The following ZER1 variants were observed in gnomAD, a reference collection of about 807,000 sequenced individuals.
The protein encoded by ZER1 is protein zer-1 homolog.
Under a neutral mutation model 78.8 loss-of-function variants are expected in ZER1, and 11 were observed. That is an observed-to-expected ratio of 0.14 (90% confidence interval 0.09 to 0.23). The LOEUF (loss-of-function observed/expected upper bound fraction) is 0.23. Among genes scored for constraint, ZER1 ranks in the 10% least tolerant of loss-of-function variants. The pLI is 1.00. For synonymous variants in ZER1, 400 were observed against 407.0 expected, an observed-to-expected ratio of 0.98 and a Z score of 0.21; for missense variants, 588 against 996.9, an observed-to-expected ratio of 0.59 and a Z score of 5.52.
chr9:128,749,366 G>A (rs1003166885), intron 8 of ZER1, among the ~76,000 whole-genome samples: 6 of 152,068 alleles, frequency 3.9e-5, no homozygotes, highest in African/African-American at 1.2e-4. Context: ...TGATCCTTTC[G>A]TAGTTTATAA....
chr9:128,754,027 CCCT>C lies in ZER1; in HGVS notation c.159-71_159-69del. ...CTCTCATCCTCGCTTCAAAGCCAAG[CCCT>C]CCTCCCCCTGAAGCTTTCTTGGATC... On this transcript the variant is annotated intron_variant, in intron 2 of 15. Transcript: ENST00000291900. This position sits in a 1 kb window ranked among gnomAD's most constrained non-coding sequence, Gnocchi z 4.3. 3.3e-6 allele frequency: 5 copies of C among 1,521,220 alleles called. No homozygotes were observed. Among genetic ancestry groups the C allele is most frequent in the Non-Finnish European group, 4.4e-6 (5 of 1,128,606 alleles). The allele number at this position is 1,521,220 out of a possible 1,614,324, so 94.2% of individuals were successfully genotyped here.
Position 128,755,492 on chromosome 9 carries a change from A to C in ZER1, c.74T>G (p.Leu25Arg). The C allele has an allele frequency of 6.2e-7, 1 of 1,614,010 alleles. No individual in the cohort carries two copies. Among genetic ancestry groups the C allele is most frequent in the South Asian group, 1.1e-5 (1 of 91,068 alleles). ...DFCLRNLDGT[L>R]GYLLDKETLR... is the part of the protein sequence containing the mutation. ...GGTCTCCTTGTCCAGCAGGTAGCCC[A>C]GGGTGCCATCCAGGTTGCGCAAGCA... The change falls in exon 2 of 16, where the codon CTG (leucine) becomes CGG (arginine). Residue 25 changes from leucine (L) to arginine (R), a missense_variant. Transcript: ENST00000291900. The surrounding 1 kb of genome is among the most constrained non-coding windows in gnomAD (Gnocchi z 5.6).
chr9:128,741,488 C>A, intron 11 of ZER1, 47 bp downstream of exon 11: 1 of 1,613,492 alleles, frequency 6.2e-7, no homozygotes, highest in Middle Eastern at 1.7e-4. Flanking sequence ...AGAAGAGGGG[C>A]CATGTGGGCA....
In ZER1 at chr9:128,730,310, G is replaced by GAGTGCT. The variant is rs1351261386; in HGVS notation, c.*1021_*1026dup. 6.5e-6 allele frequency: 1 copy of GAGTGCT among 153,150 alleles called. No homozygotes were observed. The highest frequency in any genetic ancestry group is 1.5e-5 in the Non-Finnish European group (1 of 68,438). 9.5% of individuals were successfully genotyped at this position (153,150 alleles called of 1,614,324 possible). ...CCAAGCGGCCACTGCAGGGCAGTCC[G>GAGTGCT]AGTGCTGGTCTGGAGGCGGCTGTGT... On this transcript the variant is annotated 3_prime_UTR_variant, in exon 16 of 16. Transcript: ENST00000291900.
chr9:128,755,044 A>G lies in ZER1; in HGVS notation c.158+364T>C, dbSNP rs920306410. On this transcript the variant is annotated intron_variant, in intron 2 of 15. Transcript: ENST00000291900. The surrounding 1 kb of genome is among the most constrained non-coding windows in gnomAD (Gnocchi z 5.6). ...GGTATGTGCATGTGAATGTACATAC[A>G]CGTGTGGGGCAACACTTAATTCCTT... Among the ~76,000 whole-genome samples, 3 of 152,228 alleles carry G rather than the reference A, an allele frequency of 2.0e-5. No homozygotes were observed. Among genetic ancestry groups the G allele is most frequent in the Non-Finnish European group, 4.4e-5 (3 of 68,036 alleles).
At chr9:128,739,880 G>A (rs1564394116) in intron 13 of ZER1, 51 bp downstream of exon 13, 1 of 1,571,158 alleles carries the variant, frequency 6.4e-7, no homozygotes, top group Non-Finnish European at 8.7e-7. Context: ...ATCCTGCCCA[G>A]CACTTACCCC....
intron 1 of ZER1, among the ~76,000 whole-genome samples, chr9:128,766,302 T>C (rs565948745): frequency 5.0e-4 from 75 of 149,574 alleles, no homozygotes; most frequent in Admixed American, 1.1e-3. Flanking sequence ...TGAGCCAAGA[T>C]TGCACCACTG....
chr9:128,751,568 G>A lies in ZER1; in HGVS notation c.924-41C>T. The A allele has an allele frequency of 1.3e-6, 2 of 1,565,964 alleles. No individual in the cohort carries two copies. The highest frequency in any genetic ancestry group is 1.7e-6 in the Non-Finnish European group (2 of 1,144,652). Reference sequence around the variant, plus strand: ...GCCGGTGTCAGTGGCTTGGGACCCAGGCCTGAGCTGGGCCTCCCCACTGGG... The same window carrying A: ...GCCGGTGTCAGTGGCTTGGGACCCAAGCCTGAGCTGGGCCTCCCCACTGGG... On this transcript the variant is annotated intron_variant, in intron 5 of 15. Transcript: ENST00000291900. The surrounding 1 kb of genome is among the most constrained non-coding windows in gnomAD (Gnocchi z 5.4).
chr9:128,737,008 G>C (rs140873480), intron 13 of ZER1, among the ~76,000 whole-genome samples: 1 of 152,094 alleles, frequency 6.6e-6, no homozygotes, highest in African/African-American at 2.4e-5. Flanking sequence ...GTTGAGCATG[G>C]TAACGTGCAC....
intron 13 of ZER1, 58 bp from the exon 14 acceptor site, chr9:128,735,489 C>G: frequency 3.9e-6 from 6 of 1,525,488 alleles, no homozygotes; most frequent in African/African-American, 1.4e-5. Context: ...TGTGTCTTTT[C>G]TTGTCTGAGG....
chr9:128,751,010 C>T lies in ZER1; in HGVS notation c.1185+112G>A. On this transcript the variant is annotated intron_variant, in intron 7 of 15. Coordinates refer to ENST00000291900, the MANE Select transcript of ZER1 (RefSeq NM_006336.4). The surrounding 1 kb of genome is among the most constrained non-coding windows in gnomAD (Gnocchi z 5.4). ...CCAGGCTGGGGTTCGGGTCCTGGGG[C>T]CCTGGGGACAGGGTGCAGAAGGACA... The T allele has an allele frequency of 6.9e-7, 1 of 1,459,360 alleles. No homozygotes were observed. Among genetic ancestry groups the T allele is most frequent in the Non-Finnish European group, 9.1e-7 (1 of 1,102,396 alleles). 90.4% of individuals were successfully genotyped at this position (1,459,360 alleles called of 1,614,324 possible). A position where few individuals can be genotyped will look rare whatever the true frequency, so the allele number is the denominator to read the frequency against.
At chr9:128,758,125 T>G (rs1038252342) in intron 1 of ZER1, among the ~76,000 whole-genome samples, 1 of 150,674 alleles carries the variant, frequency 6.6e-6, no homozygotes, top group Non-Finnish European at 1.5e-5. Flanking sequence ...GTTTAGGTTT[T>G]TTTTTTTTTT....
At chr9:128,761,756 G>C (rs932880709) in intron 1 of ZER1, among the ~76,000 whole-genome samples, 1 of 151,092 alleles carries the variant, frequency 6.6e-6, no homozygotes, top group Non-Finnish European at 1.5e-5. Context: ...AGGCGCCTGC[G>C]ACCACGCTCG....
upstream of ZER1, among the ~76,000 whole-genome samples, chr9:128,772,099 A>G (rs1029405636): frequency 5.6e-4 from 85 of 151,934 alleles, no homozygotes; most frequent in African/African-American, 1.7e-3. Context: ...TGCCCCCCCC[A>G]GGCCACCCGA....
Position 128,732,808 on chromosome 9 carries a change from GT to G in ZER1, c.2243+617del, listed in dbSNP as rs1862878529. ...GCTCTATACAGAGCCATGAAAAAGT[GT>G]GCTCGGGTCAGCTTGACTGTTCTCC... On this transcript the variant is annotated intron_variant, in intron 15 of 15. Transcript: ENST00000291900. The surrounding 1 kb of genome is among the most constrained non-coding windows in gnomAD (Gnocchi z 4.8). 2 of 152,866 alleles carry G rather than the reference GT, an allele frequency of 1.3e-5. No individual in the cohort carries two copies. The highest frequency in any genetic ancestry group is 4.8e-5 in the African/African-American group (2 of 41,440). The allele number at this position is 152,866 out of a possible 1,614,324, so 9.5% of individuals were successfully genotyped here.
intron 1 of ZER1, among the ~76,000 whole-genome samples, chr9:128,765,405 C>G (rs894438100): frequency 1.3e-5 from 2 of 152,238 alleles, no homozygotes. Context: ...GATGAAGATA[C>G]TGACGCATAC....
At chr9:128,772,192 C>A (rs541026509), upstream of ZER1, among the ~76,000 whole-genome samples, 3 of 152,386 alleles carry the variant, frequency 2.0e-5, no homozygotes, top group South Asian at 6.2e-4. Context: ...CCTGGCGCTG[C>A]GGTTCACCTG....
intron 8 of ZER1, among the ~76,000 whole-genome samples, chr9:128,743,142 G>C (rs1863361874): frequency 4.6e-5 from 7 of 151,274 alleles, no homozygotes; most frequent in Admixed American, 4.6e-4. Context: ...TTTTGAGATG[G>C]AGTGCTGCTC....
intron 1 of ZER1, among the ~76,000 whole-genome samples, chr9:128,756,455 T>G (rs1863862725): frequency 6.6e-6 from 1 of 152,134 alleles, no homozygotes; most frequent in Non-Finnish European, 1.5e-5. Context: ...ATGTGACCAT[T>G]CATAGCAACA....
Sources: gnomAD v4.1 joint callset for allele counts (sites outside exome capture counted in the v4.1 genomes callset) on GRCh38, gnomAD v4.1.1 for gene constraint, Gnocchi (gnomAD v3.1) non-coding constraint, MANE v1.5 for transcripts, NCBI Gene and HGNC (gene_info 2026-07-23, HGNC 2026-07-21) for gene names.